Variants in DPF2 observed in about 807,000 individuals in gnomAD.
The protein encoded by DPF2 is zinc finger protein ubi-d4.
In DPF2, 10 loss-of-function variants were observed where a neutral mutation model predicts 59.6. The observed-to-expected ratio is 0.17, with a 90% CI of 0.10 to 0.28. The LOEUF is 0.28. Ranked by LOEUF, DPF2 falls within the 10% of genes least tolerant of loss-of-function variation. The pLI, the probability that DPF2 is intolerant of heterozygous loss-of-function variation, is 1.00. For missense variants in DPF2, 315 were observed against 509.4 expected, an observed-to-expected ratio of 0.62 and a Z score of 3.67; for synonymous variants, 189 against 190.6, an observed-to-expected ratio of 0.99 and a Z score of 0.07.
rs116493493 is a variant in DPF2 at position 65,343,571 on chromosome 11, G to A, written c.466-174G>A. The A allele has an allele frequency of 4.1e-3, 2,538 of 613,080 alleles. 50 individuals carry two copies. The African/African-American group carries it at 0.042, about 10-fold the overall frequency. The allele number at this position is 613,080 out of a possible 1,614,324, so 38.0% of individuals were successfully genotyped here. A position where few individuals can be genotyped will look rare whatever the true frequency, so the allele number is the denominator to read the frequency against. On this transcript the variant is annotated intron_variant, in intron 4 of 10. Coordinates refer to ENST00000528416, the MANE Select transcript of DPF2 (RefSeq NM_006268.5). The stretch of plus-strand genomic sequence containing the variant: ...ACAGGGGAAAGATATCCCAAAGTAT[G>A]GAAGGGAGCAGGAGCAGGATTATAG...
At chr11:65,348,325 A>T (rs1854597737) in intron 9 of DPF2, 1 of 153,304 alleles carries the variant, frequency 6.5e-6, no homozygotes, top group Non-Finnish European at 1.4e-5. Context: ...CACACCTGTA[A>T]TCCAAGCACT....
rs1406864541 is a variant in DPF2 at position 65,351,789 on chromosome 11, C to T, written c.*30C>T. The T allele has an allele frequency of 6.2e-7, 1 of 1,604,174 alleles. No individual in the cohort carries two copies. The highest frequency in any genetic ancestry group is 1.1e-5 in the South Asian group (1 of 90,840). On this transcript the variant is annotated 3_prime_UTR_variant, in exon 11 of 11. Transcript: ENST00000528416. Reference sequence around the variant, plus strand: ...GCCACCCACCTGCTCCCCGACATATCTAAGGCTGTTTCTCTCCTCCACTTC... The same window carrying T: ...GCCACCCACCTGCTCCCCGACATATTTAAGGCTGTTTCTCTCCTCCACTTC...
At chr11:65,344,989 C>T (rs1263534545) in intron 6 of DPF2, 2 of 292,488 alleles carry the variant, frequency 6.8e-6, no homozygotes, top group East Asian at 1.3e-4. Context: ...CTCCCCACTC[C>T]TTTCCTGCTG....
chr11:65,345,067 G>A (rs1365239197), intron 6 of DPF2: 8 of 183,644 alleles, frequency 4.4e-5, no homozygotes, highest in South Asian at 2.9e-4. Context: ...TGCTTTCCTT[G>A]CTGATTGGCA....
At chr11:65,334,020 C>T (rs779661518) in intron 1 of DPF2, 102 bp downstream of exon 1, 75 of 1,515,128 alleles carry the variant, frequency 5.0e-5, no homozygotes, top group Non-Finnish European at 6.2e-5. Flanking sequence ...GGGACATCCC[C>T]GGGAAAGCCA....
Position 65,333,866 on chromosome 11 carries a change from C to T in DPF2, c.-21C>T, listed in dbSNP as rs569183789. ...CTGCGGACTGTGGGGCTTCTCGGCCCGAGGCAGAGGAACAGGGAAGATGGC... is the reference window on the plus strand; with the variant it reads ...CTGCGGACTGTGGGGCTTCTCGGCCTGAGGCAGAGGAACAGGGAAGATGGC... On this transcript the variant is annotated 5_prime_UTR_variant, in exon 1 of 11. Coordinates refer to ENST00000528416, the MANE Select transcript of DPF2 (RefSeq NM_006268.5). 6.8e-6 allele frequency: 11 copies of T among 1,613,756 alleles called. No homozygotes were observed. Among genetic ancestry groups the T allele is most frequent in the African/African-American group, 5.3e-5 (4 of 75,050 alleles).
At chr11:65,350,971 C>T (rs1854679743) in intron 10 of DPF2, among the ~76,000 whole-genome samples, 1 of 150,080 alleles carries the variant, frequency 6.7e-6, no homozygotes, top group African/African-American at 2.5e-5. Context: ...AGAGCGGAAA[C>T]TCTTGTCTCA....
At chr11:65,342,745 G>A (rs1854409659) in intron 4 of DPF2, among the ~76,000 whole-genome samples, 1 of 152,098 alleles carries the variant, frequency 6.6e-6, no homozygotes, top group African/African-American at 2.4e-5. Context: ...GGGCACGGTA[G>A]CTCACGCCTG....
At chr11:65,343,501 G>A in intron 4 of DPF2, 1 of 529,932 alleles carries the variant, frequency 1.9e-6, no homozygotes, top group South Asian at 2.5e-5. Context: ...TTGGCCATGT[G>A]GCATGGTGGG....
intron 10 of DPF2, among the ~76,000 whole-genome samples, chr11:65,351,116 C>T (rs4647594): frequency 0.036 from 5,534 of 152,134 alleles, 141 homozygotes; most frequent in Middle Eastern, 0.11. Context: ...TTAGAAAGGA[C>T]TTACATTTTT....
intron 1 of DPF2, among the ~76,000 whole-genome samples, chr11:65,337,798 GT>G (rs1021270571): frequency 6.7e-6 from 1 of 149,178 alleles, no homozygotes; most frequent in African/African-American, 2.5e-5. Flanking sequence ...TGTTTGTTTT[GT>G]TTTTTTTAAT....
intron 9 of DPF2, chr11:65,348,636 A>C: frequency 1.5e-5 from 5 of 333,324 alleles, no homozygotes; most frequent in East Asian, 4.9e-5. Flanking sequence ...AAAAAAGTGG[A>C]GGTGATTTGA....
chr11:65,336,141 C>T (rs943696258), intron 1 of DPF2, among the ~76,000 whole-genome samples: 2 of 152,134 alleles, frequency 1.3e-5, no homozygotes, highest in Admixed American at 1.3e-4. Context: ...GCATCTTGTC[C>T]TGGGAAAAGA....
intron 4 of DPF2, 59 bp from the exon 5 acceptor site, chr11:65,343,686 C>A: frequency 1.3e-6 from 2 of 1,532,898 alleles, no homozygotes; most frequent in South Asian, 1.2e-5. Flanking sequence ...CCAGTCTCAT[C>A]ATAGGGGAGC....
rs1171176137 is a variant in DPF2, at chr11:65,341,503, C to A, written c.406C>A (p.Pro136Thr). Residue 136 changes from proline (P) to threonine (T), a missense_variant, in exon 4 of 11, where the codon CCC (proline) becomes ACC (threonine). Transcript: ENST00000528416. The part of the protein sequence containing the change: ...DPLEKRGAPD[P>T]RVDDDSLGEF... ...CCTGGAGAAGCGAGGTGCCCCGGAT[C>A]CCCGAGTTGATGATGACAGCCTGGG... 1 of 1,614,176 alleles carries A rather than the reference C, an allele frequency of 6.2e-7. No individual in the cohort carries two copies. Among genetic ancestry groups the A allele is most frequent in the South Asian group, 1.1e-5 (1 of 91,086 alleles).
chr11:65,346,412 G>A, intron 9 of DPF2, 53 bp downstream of exon 9: 1 of 1,498,292 alleles, frequency 6.7e-7, no homozygotes, highest in South Asian at 1.2e-5. Flanking sequence ...TTTTACTGCT[G>A]TTTGCACAGT....
intron 8 of DPF2, 72 bp downstream of exon 8, chr11:65,346,130 T>G: frequency 6.2e-7 from 1 of 1,601,926 alleles, no homozygotes; most frequent in Non-Finnish European, 8.5e-7. Context: ...CCTCTAGGGC[T>G]GTCATAACCA....
chr11:65,340,297 A>G (rs1854324566), intron 1 of DPF2, 88 bp from the exon 2 acceptor site: 14 of 1,484,814 alleles, frequency 9.4e-6, no homozygotes, highest in Admixed American at 3.8e-5. Context: ...TGAGCCTTCT[A>G]GAGAAGCAGA....
chr11:65,346,208 A>G (rs774528841), intron 8 of DPF2, 39 bp from the exon 9 acceptor site: 21 of 1,607,150 alleles, frequency 1.3e-5, no homozygotes, highest in Non-Finnish European at 1.8e-5. Flanking sequence ...TTCCCCCCGC[A>G]TTTCCGACTG....
Sources: allele counts gnomAD v4.1 joint callset (sites outside exome capture counted in the v4.1 genomes callset), GRCh38; gene constraint gnomAD v4.1.1; transcripts MANE v1.5; gene names NCBI Gene and HGNC (gene_info 2026-07-23, HGNC 2026-07-21).